Variants in AGBL4 observed in about 807,000 individuals in gnomAD.
The protein encoded by AGBL4 is cytosolic carboxypeptidase 6.
In AGBL4, 58 loss-of-function variants were observed where a neutral mutation model predicts 66.4. The observed-to-expected ratio is 0.87, with a 90% CI of 0.71 to 1.09. The LOEUF is 1.09. AGBL4 is among the 50% of genes least tolerant of loss of function. The pLI, the probability that AGBL4 is intolerant of heterozygous loss-of-function variation, is 0.00. For missense variants in AGBL4, 579 were observed against 631.0 expected, an observed-to-expected ratio of 0.92 and a Z score of 0.88; for synonymous variants, 234 against 222.9, an observed-to-expected ratio of 1.05 and a Z score of -0.44.
At chr1:49,887,292 T>TA (rs1331429279) in intron 1 of AGBL4, among the ~76,000 whole-genome samples, 3 of 150,692 alleles carry the variant, frequency 2.0e-5, no homozygotes, top group South Asian at 2.1e-4. Flanking sequence ...AACAAAGAGG[T>TA]AAAAAAACTC....
At chr1:49,543,878 T>C (rs1435776325) in intron 3 of AGBL4, among the ~76,000 whole-genome samples, 4 of 152,138 alleles carry the variant, frequency 2.6e-5, no homozygotes, top group Admixed American at 1.3e-4. Context: ...ACAAAAGTGG[T>C]AGAAAGAAGT....
At chr1:49,564,434 G>A (rs1221640720) in intron 3 of AGBL4, among the ~76,000 whole-genome samples, 2 of 151,998 alleles carry the variant, frequency 1.3e-5, no homozygotes, top group Non-Finnish European at 2.9e-5. Context: ...GCTTTCTCTT[G>A]TAGGCATTTA....
At chr1:49,069,164 T>C (rs1644550551) in intron 4 of AGBL4, among the ~76,000 whole-genome samples, 1 of 152,214 alleles carries the variant, frequency 6.6e-6, no homozygotes, top group Non-Finnish European at 1.5e-5. Flanking sequence ...GCAAAAATTT[T>C]CTCCCATTCT....
intron 4 of AGBL4, among the ~76,000 whole-genome samples, chr1:49,059,850 T>C (rs1298746540): frequency 6.6e-6 from 1 of 152,154 alleles, no homozygotes; most frequent in Non-Finnish European, 1.5e-5. Context: ...TGTTGGTCAA[T>C]TTCTCCCATT....
intron 6 of AGBL4, among the ~76,000 whole-genome samples, chr1:48,743,367 A>G (rs1284266977): frequency 6.6e-6 from 1 of 152,246 alleles, no homozygotes; most frequent in Non-Finnish European, 1.5e-5. Context: ...AATTACATGC[A>G]GTTTAAACAG....
chr1:48,995,281 G>A (rs1341166), intron 5 of AGBL4, among the ~76,000 whole-genome samples: 86,719 of 151,994 alleles, frequency 0.57, 25,163 homozygotes, highest in Non-Finnish European at 0.61. Flanking sequence ...CACAACCTCT[G>A]GGCTTCCCTC....
intron 3 of AGBL4, among the ~76,000 whole-genome samples, chr1:49,288,264 T>C (rs1252538207): frequency 6.8e-6 from 1 of 147,218 alleles, no homozygotes; most frequent in East Asian, 2.1e-4. Context: ...ACCTAATGCT[T>C]GATGACGAGT....
At position 49,009,886 on chromosome 1, in the gene AGBL4, A is replaced by G. The variant is rs1007120370; in HGVS notation, c.594+35698T>C. Among the ~76,000 whole-genome samples, 44 of 152,220 alleles carry G rather than the reference A, an allele frequency of 2.9e-4. 1 individual carries two copies. The highest frequency in any genetic ancestry group is 1.0e-3 in the African/African-American group (42 of 41,518). Reference sequence around the variant, plus strand: ...TATTGATGGGACATATCTCAAAATAATAAGAGCTATCTATGACAAACCCAC... The same window carrying G: ...TATTGATGGGACATATCTCAAAATAGTAAGAGCTATCTATGACAAACCCAC... On this transcript the variant is annotated intron_variant, in intron 5 of 13. Transcript: ENST00000371839.
chr1:48,693,998 C>T (rs1478100170), intron 6 of AGBL4, among the ~76,000 whole-genome samples: 6 of 147,762 alleles, frequency 4.1e-5, no homozygotes, highest in African/African-American at 1.3e-4. Context: ...GCCCTTCTTA[C>T]GTTCCGCCTT....
At chr1:49,562,428 T>A (rs936998268) in intron 3 of AGBL4, among the ~76,000 whole-genome samples, 69 of 152,302 alleles carry the variant, frequency 4.5e-4, no homozygotes, top group African/African-American at 1.6e-3. Context: ...CTTCTAGGGT[T>A]TTTATGGTTT....
intron 5 of AGBL4, among the ~76,000 whole-genome samples, chr1:48,935,950 C>T (rs1330992064): frequency 1.3e-5 from 1 of 77,376 alleles, no homozygotes; most frequent in African/African-American, 5.1e-5. Context: ...CAGAGCGAGA[C>T]TCTGTCTGAA....
chr1:49,866,591 C>A (rs2148100445), intron 1 of AGBL4, among the ~76,000 whole-genome samples: 1 of 152,192 alleles, frequency 6.6e-6, no homozygotes, highest in South Asian at 2.1e-4. Flanking sequence ...TGGCAAAATT[C>A]CGTCTCTACT....
intron 8 of AGBL4, among the ~76,000 whole-genome samples, chr1:48,646,512 A>AGTGTGT (rs1645837246): frequency 6.2e-5 from 3 of 48,212 alleles, no homozygotes; most frequent in South Asian, 7.7e-4. Flanking sequence ...GACCAGTTAT[A>AGTGTGT]ATGTGTGTGT....
At chr1:48,718,041 T>G (rs1373799092) in intron 6 of AGBL4, among the ~76,000 whole-genome samples, 1 of 152,186 alleles carries the variant, frequency 6.6e-6, no homozygotes, top group Non-Finnish European at 1.5e-5. Context: ...AGCATCGGCA[T>G]GCTCCTGTTG....
intron 9 of AGBL4, among the ~76,000 whole-genome samples, chr1:48,627,372 T>C (rs961853386): frequency 1.3e-5 from 2 of 152,128 alleles, no homozygotes; most frequent in Non-Finnish European, 2.9e-5. Flanking sequence ...TATTTGTGAA[T>C]GTATGTGTTT....
At chr1:49,121,499 C>T (rs142975606) in intron 4 of AGBL4, among the ~76,000 whole-genome samples, 16 of 152,304 alleles carry the variant, frequency 1.1e-4, no homozygotes, top group Non-Finnish European at 2.1e-4. Context: ...TGGAGGTCCA[C>T]TCCAGAACCT....
intron 4 of AGBL4, among the ~76,000 whole-genome samples, chr1:49,195,949 G>C (rs915924996): frequency 6.6e-6 from 1 of 152,060 alleles, no homozygotes; most frequent in Non-Finnish European, 1.5e-5. Context: ...CACAAGATCT[G>C]ATGGTTTCAT....
At chr1:49,463,376 A>AG (rs1289625660) in intron 3 of AGBL4, among the ~76,000 whole-genome samples, 1 of 151,654 alleles carries the variant, frequency 6.6e-6, no homozygotes. Flanking sequence ...TAAAAATTTC[A>AG]GGTTTGGAAG....
intron 3 of AGBL4, among the ~76,000 whole-genome samples, chr1:49,456,756 A>G (rs1229784743): frequency 6.6e-6 from 1 of 151,454 alleles, no homozygotes; most frequent in African/African-American, 2.4e-5. Flanking sequence ...CCCGAAGTCC[A>G]TTGTATCATT....
Sources: allele counts gnomAD v4.1 joint callset (sites outside exome capture counted in the v4.1 genomes callset), GRCh38; gene constraint gnomAD v4.1.1; transcripts MANE v1.5; gene names NCBI Gene and HGNC (gene_info 2026-07-23, HGNC 2026-07-21).